NLRC5: variants seen among roughly 807,000 people sequenced by gnomAD.
The protein encoded by NLRC5 is NLR family CARD domain containing 5.
Under a neutral mutation model 206.9 loss-of-function variants are expected in NLRC5, and 114 were observed. The observed-to-expected ratio is 0.55, with a 90% CI of 0.47 to 0.64. NLRC5 has a LOEUF of 0.64. Among genes scored for constraint, NLRC5 ranks in the 30% least tolerant of loss-of-function variants. The pLI is 0.00. For missense variants in NLRC5, 2,008 were observed against 2,305.5 expected (o/e 0.87, Z 2.64); for synonymous variants, 952 against 962.8 (o/e 0.99, Z 0.21).
intron 2 of NLRC5, among the ~76,000 whole-genome samples, chr16:57,019,835 G>A (rs1286766091): frequency 6.6e-6 from 1 of 152,216 alleles, no homozygotes; most frequent in Non-Finnish European, 1.5e-5. Flanking sequence ...AAGAAGGGAA[G>A]AACAGATTTT....
At chr16:57,015,925 C>CAAA (rs35216159) in intron 1 of NLRC5, among the ~76,000 whole-genome samples, 60 of 39,316 alleles carry the variant, frequency 1.5e-3, no homozygotes, top group Non-Finnish European at 2.1e-3. Context: ...AACTCCATCT[C>CAAA]AAAAAAAAAA....
At chr16:57,014,946 T>A (rs1418194006) in intron 1 of NLRC5, among the ~76,000 whole-genome samples, 1 of 151,856 alleles carries the variant, frequency 6.6e-6, no homozygotes, top group East Asian at 1.9e-4. Context: ...TTTGTTTGTT[T>A]GAGATGGAGT....
At chr16:57,076,217 A>G (rs749459419) in intron 39 of NLRC5, among the ~76,000 whole-genome samples, 1 of 152,228 alleles carries the variant, frequency 6.6e-6, no homozygotes, top group African/African-American at 2.4e-5. Context: ...TCCCAGCCCC[A>G]TTAAAATTTA....
intron 36 of NLRC5, among the ~76,000 whole-genome samples, chr16:57,068,874 G>C (rs1443111239): frequency 6.6e-6 from 1 of 152,216 alleles, no homozygotes; most frequent in Non-Finnish European, 1.5e-5. Context: ...CATTGTCTCT[G>C]ACATTTACAG....
At chr16:57,047,191 AC>A (rs1367444611) in intron 22 of NLRC5, among the ~76,000 whole-genome samples, 5 of 152,128 alleles carry the variant, frequency 3.3e-5, no homozygotes, top group African/African-American at 1.2e-4. Context: ...AAAATGTGAG[AC>A]ACTTGTGGGG....
intron 3 of NLRC5, 52 bp from the exon 4 acceptor site, chr16:57,022,204 C>A: frequency 6.5e-7 from 1 of 1,532,748 alleles, no homozygotes; most frequent in South Asian, 1.2e-5. Context: ...GAGCTGGTCC[C>A]CAGCATCCCT....
At chr16:57,011,237 A>T (rs1347345243) in intron 1 of NLRC5, among the ~76,000 whole-genome samples, 1 of 151,970 alleles carries the variant, frequency 6.6e-6, no homozygotes, top group African/African-American at 2.4e-5. Flanking sequence ...ATATGGTGAA[A>T]CCCCGTCTCT....
At chr16:56,989,890 G>C (rs4783963) in intron 1 of NLRC5, among the ~76,000 whole-genome samples, 15,177 of 152,212 alleles carry the variant, frequency 0.1, 805 homozygotes, top group Non-Finnish European at 0.11. Context: ...CCTGGATGGG[G>C]GGACACAGTA....
At chr16:57,012,512 G>C (rs1418761652) in intron 1 of NLRC5, among the ~76,000 whole-genome samples, 1 of 152,144 alleles carries the variant, frequency 6.6e-6, no homozygotes, top group Non-Finnish European at 1.5e-5. Context: ...AGCGGCCATC[G>C]GGCGAGTATT....
intron 30 of NLRC5, 116 bp downstream of exon 30, chr16:57,059,648 A>G (rs1231101665): frequency 1.7e-5 from 16 of 949,164 alleles, no homozygotes; most frequent in Non-Finnish European, 2.3e-5. Context: ...GAGCAGCTTC[A>G]AGCTCACTGC....
Position 57,055,466 on chromosome 16 carries a change from C to G in NLRC5, c.3693C>G (p.His1231Gln). The change falls in exon 27 of 49, where the codon CAC (histidine) becomes CAG (glutamine). Residue 1231 changes from histidine (H) to glutamine (Q), a missense_variant. Physicochemically the swap from His to Gln is conservative, Grantham distance 24. Transcript: ENST00000688547. ...RFTGCSLSQE[H>Q]VESLCWLLSK... Reference sequence around the variant, plus strand: ...CAGGCTGCAGCCTCAGCCAGGAGCACGTAGAGTCACTCTGCTGGTTGCTGA... The same window carrying G: ...CAGGCTGCAGCCTCAGCCAGGAGCAGGTAGAGTCACTCTGCTGGTTGCTGA... 6.2e-7 allele frequency: 1 copy of G among 1,613,890 alleles called. No homozygotes were observed. Among genetic ancestry groups the G allele is most frequent in the Non-Finnish European group, 8.5e-7 (1 of 1,179,908 alleles).
At chr16:57,065,890 G>C (rs750003541) in intron 33 of NLRC5, among the ~76,000 whole-genome samples, 1 of 152,184 alleles carries the variant, frequency 6.6e-6, no homozygotes, top group Non-Finnish European at 1.5e-5. Context: ...CTCCAGGAGT[G>C]AGCAAGGGGA....
intron 13 of NLRC5, 36 bp downstream of exon 13, chr16:57,034,287 G>C: frequency 7.7e-7 from 1 of 1,305,160 alleles, no homozygotes; most frequent in Non-Finnish European, 1.1e-6. Context: ...TAGGAGCCAG[G>C]AAAGGAGGTT....
chr16:57,057,086 C>T (rs750860243), intron 27 of NLRC5, among the ~76,000 whole-genome samples: 1 of 152,162 alleles, frequency 6.6e-6, no homozygotes, highest in Non-Finnish European at 1.5e-5. Context: ...GGAGGAAAAT[C>T]AGATGTTCCG....
At chr16:57,051,731 C>T in intron 24 of NLRC5, 110 bp downstream of exon 24, 2 of 745,950 alleles carry the variant, frequency 2.7e-6, no homozygotes, top group Non-Finnish European at 4.7e-6. Flanking sequence ...CGCCTTTACC[C>T]CCTCCAACCC....
At chr16:57,020,188 C>T (rs1278894114) in intron 2 of NLRC5, among the ~76,000 whole-genome samples, 1 of 150,876 alleles carries the variant, frequency 6.6e-6, no homozygotes, top group Non-Finnish European at 1.5e-5. Context: ...AGATCACCTT[C>T]CCCCTAGTTC....
Position 57,063,129 on chromosome 16 carries a change from TG to T in NLRC5, c.4154+1429del, listed in dbSNP as rs1216829350. ...TCCTTTTTTTTTTTTTTTTTTTTTT[TG>T]AGACAGAGTCTCACTCTTGTCACCT... On this transcript the variant is annotated intron_variant, in intron 32 of 48. Transcript: ENST00000688547. Among the ~76,000 whole-genome samples, 650 of 106,484 alleles carry T rather than the reference TG, an allele frequency of 6.1e-3. 3 individuals are homozygous for T. The highest frequency in any genetic ancestry group is 0.02 in the African/African-American group (477 of 24,428). The allele number at this position is 106,484 out of a possible 152,430, so 69.9% of individuals were successfully genotyped here.
At chr16:57,061,267 C>T (rs2066442456) in intron 30 of NLRC5, among the ~76,000 whole-genome samples, 181 bp from the exon 31 acceptor site, 1 of 152,212 alleles carries the variant, frequency 6.6e-6, no homozygotes, top group Admixed American at 6.5e-5. Context: ...GAGGTTCCTC[C>T]CCAAAGAGAC....
chr16:57,058,766 C>T (rs2066026461), intron 28 of NLRC5, among the ~76,000 whole-genome samples: 1 of 152,238 alleles, frequency 6.6e-6, no homozygotes, highest in African/African-American at 2.4e-5. Context: ...GAGTGCAGCG[C>T]TCAAGGACTC....
Sources: gnomAD v4.1 joint callset for allele counts (sites outside exome capture counted in the v4.1 genomes callset) on GRCh38, gnomAD v4.1.1 for gene constraint, MANE v1.5 for transcripts, NCBI Gene and HGNC (gene_info 2026-07-23, HGNC 2026-07-21) for gene names.